The following TENM2 variants were observed in gnomAD, a reference collection of about 807,000 sequenced individuals.
TENM2 encodes the protein teneurin transmembrane protein 2.
Under a neutral mutation model 245.2 loss-of-function variants are expected in TENM2, and 52 were observed. The ratio of observed to expected loss-of-function variants is 0.21; its 90% confidence interval spans 0.17 to 0.27. TENM2 has a LOEUF of 0.27. TENM2 is among the 10% of genes least tolerant of loss of function. The pLI is 1.00. For missense variants in TENM2, 3,046 were observed against 3,666.8 expected, an observed-to-expected ratio of 0.83 and a Z score of 4.37; for synonymous variants, 1,363 against 1,438.9, an observed-to-expected ratio of 0.95 and a Z score of 1.19.
intron 5 of TENM2, among the ~76,000 whole-genome samples, chr5:168,018,719 T>C (rs765903269): frequency 1.3e-5 from 2 of 152,160 alleles, no homozygotes; most frequent in Non-Finnish European, 2.9e-5. Flanking sequence ...TTAAGACACA[T>C]TCTTATACTT....
intron 2 of TENM2, among the ~76,000 whole-genome samples, chr5:167,388,039 A>G (rs1222036267): frequency 6.6e-6 from 1 of 152,182 alleles, no homozygotes; most frequent in Non-Finnish European, 1.5e-5. Flanking sequence ...TCATAGAATA[A>G]TATAGGGAGG....
At chr5:167,339,688 A>G (rs2127809843) in intron 1 of TENM2, among the ~76,000 whole-genome samples, 1 of 152,208 alleles carries the variant, frequency 6.6e-6, no homozygotes, top group African/African-American at 2.4e-5. Context: ...CCCAAAATTA[A>G]TGTGTTGAAA....
At chr5:168,162,872 T>TACAAC in intron 13 of TENM2, 115 bp downstream of exon 15, 1 of 1,284,852 alleles carries the variant, frequency 7.8e-7, no homozygotes, top group Non-Finnish European at 1.1e-6. Context: ...AATGTTGTTG[T>TACAAC]AACATTTTCT....
At chr5:167,514,240 C>G (rs145737685) in intron 2 of TENM2, among the ~76,000 whole-genome samples, 231 of 152,296 alleles carry the variant, frequency 1.5e-3, no homozygotes, top group African/African-American at 5.2e-3. Context: ...CATGCCATCC[C>G]TATTTTGCCC....
chr5:168,147,741 A>G (rs1756231887), intron 12 of TENM2, among the ~76,000 whole-genome samples: 1 of 152,182 alleles, frequency 6.6e-6, no homozygotes, highest in African/African-American at 2.4e-5. Context: ...TGTGCCATTA[A>G]TCAAGCAGGC....
At chr5:168,204,434 A>G in exon 19 of TENM2, 2 of 1,613,960 alleles carry the variant, frequency 1.2e-6, no homozygotes, top group Non-Finnish European at 8.5e-7. Context: ...CATCATCACC[A>G]GCATCATGGG....
chr5:168,130,056 C>G (rs905840131), intron 12 of TENM2: 3 of 152,146 alleles, frequency 2.0e-5, no homozygotes, highest in African/African-American at 7.2e-5. Context: ...CAATTCACAT[C>G]AGTCCTTGTG....
the TENM2 span, among the ~76,000 whole-genome samples, chr5:167,007,687 C>G: frequency 1.3e-5 from 2 of 152,170 alleles, no homozygotes; most frequent in East Asian, 3.8e-4. This position sits in a 1 kb window ranked among gnomAD's most constrained non-coding sequence, Gnocchi z 4.2. Flanking sequence ...TAACAGGCCC[C>G]CCACTACCAC....
At chr5:168,240,291 C>T (rs868359111) in intron 25 of TENM2, among the ~76,000 whole-genome samples, 9 of 152,144 alleles carry the variant, frequency 5.9e-5, no homozygotes, top group Middle Eastern at 3.2e-3. Context: ...TGGAGCCAGC[C>T]GAGCAGCAGA....
At chr5:168,260,991 G>A (rs1384260605) in intron 28 of TENM2, among the ~76,000 whole-genome samples, 1 of 152,078 alleles carries the variant, frequency 6.6e-6, no homozygotes, top group Non-Finnish European at 1.5e-5. Flanking sequence ...TACAGAACCG[G>A]CGCTCAGCAC....
the TENM2 span, among the ~76,000 whole-genome samples, chr5:167,202,130 A>G: frequency 6.6e-6 from 1 of 152,194 alleles, no homozygotes; most frequent in Admixed American, 6.5e-5. Flanking sequence ...GGAAGAAAAC[A>G]CAGCAAACTC....
At chr5:167,135,528 G>A in the TENM2 span, among the ~76,000 whole-genome samples, 2 of 152,178 alleles carry the variant, frequency 1.3e-5, no homozygotes, top group East Asian at 3.9e-4. Flanking sequence ...TGTAATCCCA[G>A]CACTTTGGGA....
intron 2 of TENM2, among the ~76,000 whole-genome samples, chr5:167,556,519 G>T (rs1773270578): frequency 6.6e-6 from 1 of 151,442 alleles, no homozygotes; most frequent in Non-Finnish European, 1.5e-5. Flanking sequence ...ATGAATTTTT[G>T]TTTGTCAGAG....
chr5:168,065,739 T>C (rs1037284492), intron 7 of TENM2, among the ~76,000 whole-genome samples: 4 of 151,344 alleles, frequency 2.6e-5, no homozygotes, highest in African/African-American at 9.7e-5. Context: ...ACACTCCTAA[T>C]AGAAAGCAGT....
At chr5:167,690,287 ATTTTT>A (rs950708528) in intron 2 of TENM2, among the ~76,000 whole-genome samples, 1 of 150,478 alleles carries the variant, frequency 6.6e-6, no homozygotes, top group African/African-American at 2.4e-5. Flanking sequence ...ACTTTTATGT[ATTTTT>A]TTTTAAGTTT....
intron 3 of TENM2, among the ~76,000 whole-genome samples, chr5:167,903,818 G>A (rs1436863510): frequency 6.6e-6 from 1 of 152,188 alleles, no homozygotes; most frequent in South Asian, 2.1e-4. Flanking sequence ...GCACATCAAT[G>A]TTGGCTAAGT....
rs1241157681 is a variant in TENM2, at chr5:168,247,147, C to A, written c.6208C>A (p.Pro2070Thr). ...CACCATCAGGTACCGGAAGATTGGC[C>A]CCCTGGTGGACAAGCAGATCTACAG... The change falls in exon 27 of 29, where the codon CCC becomes ACC. Residue 2070 changes from proline (P) to threonine (T), a missense_variant. By Grantham distance (38) the Pro-to-Thr change is conservative (BLOSUM62 -1). Coordinates refer to ENST00000518659, the Ensembl canonical transcript of TENM2. This position sits in a 1 kb window ranked among gnomAD's most constrained non-coding sequence, Gnocchi z 7.8. The A allele has an allele frequency of 1.9e-6, 3 of 1,613,660 alleles. No individual in the cohort carries two copies. The highest frequency in any genetic ancestry group is 2.7e-5 in the African/African-American group (2 of 74,830).
At position 168,256,891 on chromosome 5, in the gene TENM2, T is replaced by G. The variant is rs907158322; in HGVS notation, c.7433-3392T>G. 7.0e-4 allele frequency among the ~76,000 whole-genome samples: 106 copies of G among 152,166 alleles called. 1 individual carries two copies. Among genetic ancestry groups the G allele is most frequent in the Admixed American group, 2.6e-3 (40 of 15,280 alleles). On this transcript the variant is annotated intron_variant, in intron 27 of 28. Transcript: ENST00000518659. ...GGCAGCAATGTCAACGTTAAATACC[T>G]CACAGTAGTCCCAGGGCAGAAGGTA...
chr5:167,198,093 G>A, the TENM2 span, among the ~76,000 whole-genome samples: 2 of 151,898 alleles, frequency 1.3e-5, no homozygotes, highest in South Asian at 2.1e-4. Flanking sequence ...ATTTCAAACT[G>A]CCCAGGGACA....
Sources: gnomAD v4.1 joint callset for allele counts (sites outside exome capture counted in the v4.1 genomes callset) on GRCh38, gnomAD v4.1.1 for gene constraint, Gnocchi (gnomAD v3.1) non-coding constraint, MANE v1.5 for transcripts, NCBI Gene and HGNC (gene_info 2026-07-23, HGNC 2026-07-21) for gene names.